The following CPNE4 variants were observed in gnomAD, a reference collection of about 807,000 sequenced individuals.
The protein encoded by CPNE4 is copine-4.
A neutral mutation model predicts 67.9 loss-of-function variants in CPNE4; 25 were observed. That is an observed-to-expected ratio of 0.37 (90% CI 0.27 to 0.51). The LOEUF (loss-of-function observed/expected upper bound fraction) is 0.51, where lower values mean the gene tolerates loss of function less well. Ranked by LOEUF, CPNE4 falls within the 20% of genes least tolerant of loss-of-function variation. CPNE4 has a pLI of 0.93. For missense variants in CPNE4, 464 were observed against 690.8 expected (o/e 0.67, Z 3.68); for synonymous variants, 242 against 244.9 (o/e 0.99, Z 0.11).
chr3:131,615,889 T>TCACA (rs1317031280), intron 7 of CPNE4, among the ~76,000 whole-genome samples: 5 of 100,266 alleles, frequency 5.0e-5, no homozygotes, highest in Non-Finnish European at 7.5e-5. Context: ...CATCTCTCTC[T>TCACA]CTCACACACA....
chr3:131,624,399 G>A (rs2079007322), intron 7 of CPNE4, among the ~76,000 whole-genome samples: 1 of 152,034 alleles, frequency 6.6e-6, no homozygotes, highest in South Asian at 2.1e-4. Context: ...GTCATACCTT[G>A]GGGAGAAGTA....
chr3:131,723,172 A>C (rs1041123501), intron 3 of CPNE4, among the ~76,000 whole-genome samples: 3 of 152,212 alleles, frequency 2.0e-5, no homozygotes, highest in African/African-American at 7.2e-5. Context: ...ATAAGTGCTC[A>C]ATAATAGTTG....
chr3:131,717,884 TTC>T (rs1491086785), intron 3 of CPNE4, among the ~76,000 whole-genome samples: 4 of 13,096 alleles, frequency 3.1e-4, no homozygotes, highest in Non-Finnish European at 7.0e-4. Flanking sequence ...TTTTCTTTCT[TTC>T]TTTCTTTCTT....
intron 1 of CPNE4, among the ~76,000 whole-genome samples, chr3:131,998,636 C>T (rs888874457): frequency 6.6e-6 from 1 of 151,924 alleles, no homozygotes; most frequent in Admixed American, 6.6e-5. Context: ...TGTTTCTGAC[C>T]CACTGAGAAA....
intron 10 of CPNE4, among the ~76,000 whole-genome samples, chr3:131,568,666 T>C (rs1011763834): frequency 9.2e-5 from 14 of 151,902 alleles, no homozygotes; most frequent in African/African-American, 3.4e-4. Flanking sequence ...CCTTGTAAAG[T>C]AAGAATGCAA....
At chr3:131,930,307 GA>G (rs2071021788) in intron 1 of CPNE4, among the ~76,000 whole-genome samples, 1 of 152,084 alleles carries the variant, frequency 6.6e-6, no homozygotes, top group Non-Finnish European at 1.5e-5. Context: ...GAGCCCAGAG[GA>G]AAAGGGTCAT....
At chr3:131,873,101 A>G (rs1362823157) in intron 2 of CPNE4, among the ~76,000 whole-genome samples, 1 of 152,214 alleles carries the variant, frequency 6.6e-6, no homozygotes, top group Non-Finnish European at 1.5e-5. Context: ...ATGAAAAGAT[A>G]GCTCTTATCA....
intron 6 of CPNE4, among the ~76,000 whole-genome samples, chr3:131,680,962 C>A (rs1583012505): frequency 6.6e-6 from 1 of 152,194 alleles, no homozygotes; most frequent in Admixed American, 6.5e-5. Context: ...ATAATAATCT[C>A]CAGTTCCATC....
At chr3:131,775,674 C>T (rs2083274518) in intron 2 of CPNE4, among the ~76,000 whole-genome samples, 1 of 152,092 alleles carries the variant, frequency 6.6e-6, no homozygotes, top group African/African-American at 2.4e-5. Flanking sequence ...CACCTTCTGC[C>T]ATGATTGTGA....
Position 131,589,199 on chromosome 3 carries a change from G to C in CPNE4, c.682-1617C>G, listed in dbSNP as rs149563959. ...TCTGCAAGCTGGGAAGCCAGTAGTG[G>C]CTCAGTTCAAGTCTAAAAGCCTCAA... On this transcript the variant is annotated intron_variant, in intron 7 of 15. Coordinates refer to ENST00000429747, the MANE Select transcript of CPNE4 (RefSeq NM_130808.3). 5.8e-4 allele frequency among the ~76,000 whole-genome samples: 88 copies of C among 152,244 alleles called. 1 individual carries two copies. The highest frequency in any genetic ancestry group is 1.7e-3 in the African/African-American group (69 of 41,540).
At chr3:131,868,387 C>T (rs919400241) in intron 2 of CPNE4, among the ~76,000 whole-genome samples, 4 of 152,122 alleles carry the variant, frequency 2.6e-5, no homozygotes, top group African/African-American at 4.8e-5. Context: ...CAGACTGACA[C>T]GTGGAGCTCA....
chr3:132,021,671 T>TC (rs1344826696), intron 1 of CPNE4, among the ~76,000 whole-genome samples: 1 of 148,128 alleles, frequency 6.8e-6, no homozygotes, highest in Non-Finnish European at 1.5e-5. Context: ...TGATCCCTGT[T>TC]CTACTGGATC....
At chr3:131,863,404 A>C (rs1000499847) in intron 2 of CPNE4, among the ~76,000 whole-genome samples, 1 of 152,192 alleles carries the variant, frequency 6.6e-6, no homozygotes, top group African/African-American at 2.4e-5. Context: ...CGCCATTCTA[A>C]CTGGTATGAG....
rs367972814 is a variant in CPNE4 at position 131,917,084 on chromosome 3, A to T, written c.-1-11640T>A. 3.9e-5 allele frequency among the ~76,000 whole-genome samples: 6 copies of T among 152,308 alleles called. No individual in the cohort carries two copies. In the East Asian group the frequency reaches 1.2e-3, roughly 29 times the overall value. Reference sequence around the variant, plus strand: ...AGACAGGATGAGAATGAATAGCATGATTCACTAGCAATGTCTGCAATCCAC... The same window carrying T: ...AGACAGGATGAGAATGAATAGCATGTTTCACTAGCAATGTCTGCAATCCAC... On this transcript the variant is annotated intron_variant, in intron 1 of 15. Coordinates refer to ENST00000429747, the MANE Select transcript of CPNE4 (RefSeq NM_130808.3).
chr3:131,812,607 C>T (rs1166629749), intron 2 of CPNE4, among the ~76,000 whole-genome samples: 1 of 152,172 alleles, frequency 6.6e-6, no homozygotes, highest in Non-Finnish European at 1.5e-5. Context: ...ATGTTGTGTG[C>T]CTGAGAGCAT....
chr3:131,788,566 T>C (rs1201806419), intron 2 of CPNE4, among the ~76,000 whole-genome samples: 1 of 152,154 alleles, frequency 6.6e-6, no homozygotes, highest in Non-Finnish European at 1.5e-5. Flanking sequence ...AGTAAATTTA[T>C]ACAACTTTTC....
intron 2 of CPNE4, among the ~76,000 whole-genome samples, chr3:131,903,856 T>C (rs1159130829): frequency 6.6e-6 from 1 of 152,120 alleles, no homozygotes; most frequent in Non-Finnish European, 1.5e-5. Flanking sequence ...CTTCCCCAGG[T>C]ACCACCATTA....
chr3:131,876,425 G>A (rs1034815495), intron 2 of CPNE4, among the ~76,000 whole-genome samples: 1 of 151,652 alleles, frequency 6.6e-6, no homozygotes, highest in South Asian at 2.1e-4. Context: ...GGCAGATCAC[G>A]AGGTCAGGAG....
intron 7 of CPNE4, among the ~76,000 whole-genome samples, chr3:131,638,537 A>T (rs1347228506): frequency 1.3e-5 from 2 of 152,178 alleles, no homozygotes; most frequent in Non-Finnish European, 2.9e-5. Flanking sequence ...TACTCATACT[A>T]GACCTAAGAA....
Sources: gnomAD v4.1 joint callset for allele counts (sites outside exome capture counted in the v4.1 genomes callset) on GRCh38, gnomAD v4.1.1 for gene constraint, MANE v1.5 for transcripts, NCBI Gene and HGNC (gene_info 2026-07-23, HGNC 2026-07-21) for gene names.